Variants in DNAH9 observed in about 807,000 individuals in gnomAD.
DNAH9 encodes the protein DNAH9 variant protein.
DNAH9 carries 345 observed loss-of-function variants against 471.6 expected under a neutral mutation model. The observed-to-expected ratio is 0.73, with a 90% CI of 0.67 to 0.80. DNAH9 has a LOEUF of 0.80. Ranked by LOEUF, DNAH9 falls within the 30% of genes least tolerant of loss-of-function variation. The probability of loss-of-function intolerance (pLI) is 0.00; values close to 1 mark genes in which losing one functional copy is unlikely to be tolerated. For missense variants in DNAH9, 5,407 were observed against 5,609.2 expected, an observed-to-expected ratio of 0.96 and a Z score of 1.15; for synonymous variants, 2,093 against 2,123.6, an observed-to-expected ratio of 0.99 and a Z score of 0.40.
chr17:11,801,167 A>G (rs540043116), intron 43 of DNAH9, among the ~76,000 whole-genome samples: 1 of 152,226 alleles, frequency 6.6e-6, no homozygotes, highest in Admixed American at 6.5e-5. Flanking sequence ...AGAGGAGAGA[A>G]GTTGCCTAAG....
In DNAH9 at chr17:11,754,978, T is replaced by G. The variant is rs1237111766; in HGVS notation, c.6739-1590T>G. On this transcript the variant is annotated intron_variant, in intron 33 of 68. Transcript: ENST00000262442. ...AGTTTTGGATTTTACATTTAAGTTT[T>G]TAATCCTCTTGAGTTAATCTTTGTA... is the stretch of plus-strand genomic sequence containing the variant. 2.6e-5 allele frequency among the ~76,000 whole-genome samples: 4 copies of G among 152,356 alleles called. No homozygotes were observed. The East Asian group carries it at 7.7e-4, about 29-fold the overall frequency.
chr17:11,759,054 G>A (rs1362719368), intron 35 of DNAH9, among the ~76,000 whole-genome samples: 1 of 150,560 alleles, frequency 6.6e-6, no homozygotes, highest in Non-Finnish European at 1.5e-5. Context: ...CCAGAGAAGG[G>A]TAAGGTTTTA....
chr17:11,710,379 G>C (rs2074808417), intron 26 of DNAH9, among the ~76,000 whole-genome samples: 1 of 152,042 alleles, frequency 6.6e-6, no homozygotes, highest in Non-Finnish European at 1.5e-5. Context: ...TTTTTCCTTA[G>C]GATAGATTCC....
intron 68 of DNAH9, among the ~76,000 whole-genome samples, chr17:11,967,402 C>T (rs745999728): frequency 5.3e-5 from 8 of 152,084 alleles, no homozygotes; most frequent in African/African-American, 1.9e-4. Context: ...GCACCATGCC[C>T]AGTCTTAGAA....
At chr17:11,831,158 G>C (rs556682396) in intron 48 of DNAH9, among the ~76,000 whole-genome samples, 1 of 152,168 alleles carries the variant, frequency 6.6e-6, no homozygotes, top group Non-Finnish European at 1.5e-5. Flanking sequence ...TGCTATAAAG[G>C]AATACCTAAG....
intron 67 of DNAH9, among the ~76,000 whole-genome samples, chr17:11,960,293 G>A (rs1223312799): frequency 2.6e-5 from 4 of 151,384 alleles, no homozygotes; most frequent in Non-Finnish European, 5.9e-5. Flanking sequence ...AAAATTAGTC[G>A]GGTGTGGTGG....
chr17:11,942,244 T>G (rs1228763921), intron 66 of DNAH9, 59 bp from the exon 67 acceptor site: 9 of 1,571,792 alleles, frequency 5.7e-6, no homozygotes, highest in Non-Finnish European at 7.8e-6. Context: ...TGCAGGAAAA[T>G]GGATTCCTTC....
intron 29 of DNAH9, among the ~76,000 whole-genome samples, chr17:11,741,349 G>C (rs1830375568): frequency 6.6e-6 from 1 of 152,162 alleles, no homozygotes; most frequent in South Asian, 2.1e-4. Flanking sequence ...TATTGTATAT[G>C]CCATTCTGTG....
intron 38 of DNAH9, among the ~76,000 whole-genome samples, chr17:11,770,687 T>C (rs545048375): frequency 1.3e-5 from 2 of 152,376 alleles, no homozygotes; most frequent in African/African-American, 4.8e-5. Flanking sequence ...ATCAGAACTT[T>C]ACTAGTTTGT....
chr17:11,691,744 T>C (rs914662426), intron 20 of DNAH9, among the ~76,000 whole-genome samples: 24 of 152,364 alleles, frequency 1.6e-4, no homozygotes, highest in Middle Eastern at 3.4e-3. Context: ...TATTTTTAAT[T>C]GGAGCAAAAT....
chr17:11,745,716 A>C (rs552677266), intron 31 of DNAH9, among the ~76,000 whole-genome samples: 1 of 152,222 alleles, frequency 6.6e-6, no homozygotes, highest in Non-Finnish European at 1.5e-5. Context: ...ATTAGATGCC[A>C]TTGTACAAAG....
chr17:11,798,898 T>C (rs146203455), intron 43 of DNAH9, among the ~76,000 whole-genome samples: 155 of 152,202 alleles, frequency 1.0e-3, no homozygotes, highest in African/African-American at 3.4e-3. Flanking sequence ...TTAAGTCCTT[T>C]CTTCTCTTAC....
chr17:11,883,535 C>A lies in DNAH9; in HGVS notation c.10807-51C>A, dbSNP rs375144129. On this transcript the variant is annotated intron_variant, in intron 55 of 68. Coordinates refer to ENST00000262442, the MANE Select transcript of DNAH9 (RefSeq NM_001372.4). ...GCCCTATTCAGACACATCCTTAGAG[C>A]AGGATGCCCTGGGCATCTGCACCTG... 1.9e-6 allele frequency: 3 copies of A among 1,595,478 alleles called. No individual in the cohort carries two copies. In the African/African-American group the frequency reaches 4.0e-5, roughly 21 times the overall value.
chr17:11,787,916 T>G (rs1339760344), intron 41 of DNAH9, among the ~76,000 whole-genome samples: 1 of 152,210 alleles, frequency 6.6e-6, no homozygotes, highest in Non-Finnish European at 1.5e-5. Context: ...TCCCCAGTCA[T>G]GTGGAACTGT....
Position 11,833,773 on chromosome 17 carries a change from A to C in DNAH9, c.9247-865A>C, listed in dbSNP as rs573783532. On this transcript the variant is annotated intron_variant, in intron 48 of 68. Coordinates refer to ENST00000262442, the MANE Select transcript of DNAH9 (RefSeq NM_001372.4). ...TTGGTTCCTAAGCAGGTTGCTTCAG[A>C]TTATGGATCAGAGGTCAGTTTTTAT... Among the ~76,000 whole-genome samples, 3 of 152,226 alleles carry C rather than the reference A, an allele frequency of 2.0e-5. No homozygotes were observed. In the South Asian group the frequency reaches 6.2e-4, roughly 32 times the overall value.
intron 67 of DNAH9, among the ~76,000 whole-genome samples, chr17:11,944,754 T>C (rs1021280119): frequency 2.0e-5 from 3 of 152,088 alleles, no homozygotes; most frequent in Non-Finnish European, 4.4e-5. Flanking sequence ...ATCTCCACGC[T>C]CCAGTCCTAC....
At chr17:11,829,996 C>G (rs765867693) in intron 48 of DNAH9, among the ~76,000 whole-genome samples, 4 of 152,128 alleles carry the variant, frequency 2.6e-5, no homozygotes, top group Non-Finnish European at 5.9e-5. Flanking sequence ...CTCCCACAGG[C>G]CTGTTTCCCT....
At chr17:11,746,560 A>G (rs2042554513) in intron 31 of DNAH9, among the ~76,000 whole-genome samples, 1 of 152,128 alleles carries the variant, frequency 6.6e-6, no homozygotes, top group African/African-American at 2.4e-5. Context: ...GTATCACAAG[A>G]ACAGCATGGG....
At position 11,881,425 on chromosome 17, in the gene DNAH9, A is replaced by AGGGAGAAAATGTTCT; in HGVS notation, c.10806+14_10806+28dup. 1 of 1,605,498 alleles carries AGGGAGAAAATGTTCT rather than the reference A, an allele frequency of 6.2e-7. No individual in the cohort carries two copies. The highest frequency in any genetic ancestry group is 8.5e-7 in the Non-Finnish European group (1 of 1,175,488). On this transcript the variant is annotated intron_variant, in intron 55 of 68. Coordinates refer to ENST00000262442, the MANE Select transcript of DNAH9 (RefSeq NM_001372.4). ...TGGAGCAGCTGAAGGTGAGGACAGAAGGGAGAAAATGTTCTGCCACTAGAG... is the reference window on the plus strand; with the variant it reads ...TGGAGCAGCTGAAGGTGAGGACAGAAGGGAGAAAATGTTCTGGGAGAAAATGTTCTGCCACTAGAG...
Sources: gnomAD v4.1 joint callset for allele counts (sites outside exome capture counted in the v4.1 genomes callset) on GRCh38, gnomAD v4.1.1 for gene constraint, MANE v1.5 for transcripts, NCBI Gene and HGNC (gene_info 2026-07-23, HGNC 2026-07-21) for gene names.